The following PIGN variants were observed in gnomAD, a reference collection of about 807,000 sequenced individuals.
The protein encoded by PIGN is GPI ethanolamine phosphate transferase 1.
PIGN carries 117 observed loss-of-function variants against 125.4 expected under a neutral mutation model. The ratio of observed to expected loss-of-function variants is 0.93; its 90% CI spans 0.80 to 1.09. The LOEUF (loss-of-function observed/expected upper bound fraction) is 1.09. Among genes scored for constraint, PIGN ranks in the 50% least tolerant of loss-of-function variants. The pLI is 0.00. For missense variants in PIGN, 1,075 were observed against 1,094.9 expected, an observed-to-expected ratio of 0.98 and a Z score of 0.26; for synonymous variants, 392 against 377.8, an observed-to-expected ratio of 1.04 and a Z score of -0.44.
chr18:62,120,174 C>G (rs987740074), intron 14 of PIGN, among the ~76,000 whole-genome samples: 1 of 151,790 alleles, frequency 6.6e-6, no homozygotes, highest in Admixed American at 6.6e-5. Context: ...CTGCTGAAAA[C>G]CAGTCAAAGA....
Position 62,073,195 on chromosome 18 carries a change from G to A in PIGN, c.2620-470C>T, listed in dbSNP as rs191680666. On this transcript the variant is annotated intron_variant, in intron 29 of 30. Coordinates refer to ENST00000640252, the MANE Select transcript of PIGN (RefSeq NM_176787.5). ...GGTGTGTGTGTGTGTGTGTGTGTGT[G>A]TGTGTGTGTAAGGGGGGGATGGAGG... 7.3e-5 allele frequency among the ~76,000 whole-genome samples: 11 copies of A among 151,464 alleles called. No homozygotes were observed. In the East Asian group the frequency reaches 2.1e-3, roughly 29 times the overall value.
At chr18:62,121,611 C>T (rs959198951) in intron 14 of PIGN, among the ~76,000 whole-genome samples, 1 of 151,974 alleles carries the variant, frequency 6.6e-6, no homozygotes, top group African/African-American at 2.4e-5. Context: ...TGAGTGAGAA[C>T]ATGTAAAATT....
intron 7 of PIGN, chr18:62,154,320 A>C: frequency 2.0e-6 from 1 of 488,558 alleles, no homozygotes; most frequent in South Asian, 4.2e-5. Context: ...AGGTTTCCTA[A>C]ATCCTAATCT....
intron 30 of PIGN, among the ~76,000 whole-genome samples, chr18:62,054,288 A>G (rs2031550428): frequency 6.6e-6 from 1 of 151,900 alleles, no homozygotes; most frequent in Admixed American, 6.6e-5. Context: ...AATCTTTGGG[A>G]TCTGGAGCTA....
intron 10 of PIGN, among the ~76,000 whole-genome samples, chr18:62,144,956 CCCATT>C (rs2036264995): frequency 6.6e-6 from 1 of 150,580 alleles, no homozygotes; most frequent in South Asian, 2.1e-4. Context: ...TACATTCCAG[CCCATT>C]CCATTCCTTT....
intron 14 of PIGN, chr18:62,136,705 A>C (rs966640676): frequency 5.9e-6 from 1 of 170,574 alleles, no homozygotes; most frequent in Non-Finnish European, 1.2e-5. Context: ...AATAACTCCA[A>C]TGAAGTCATT....
chr18:62,182,591 T>C (rs941218400), intron 1 of PIGN, among the ~76,000 whole-genome samples: 3 of 152,264 alleles, frequency 2.0e-5, no homozygotes, highest in South Asian at 2.1e-4. Flanking sequence ...CCATCTCTTA[T>C]GCGAACTACT....
At chr18:62,085,287 CA>C (rs779311397) in intron 25 of PIGN, 23 bp from the exon 26 acceptor site, 104 of 1,482,220 alleles carry the variant, frequency 7.0e-5, no homozygotes, top group Non-Finnish European at 9.1e-5. Flanking sequence ...AAGGAAATGG[CA>C]AAACAACTCA....
rs558288935 is a variant in PIGN at position 62,162,239 on chromosome 18, G to A, written c.-33+14C>T. On this transcript the variant is annotated intron_variant, in intron 3 of 30. Transcript: ENST00000640252. ...CAATATGAAACATTTAAATAAAACT[G>A]TAAAAGAAGATACCATTAAATTGCC... is the stretch of plus-strand genomic sequence containing the variant. The A allele has an allele frequency of 6.6e-6, 1 of 152,082 alleles. No individual in the cohort carries two copies. The highest frequency in any genetic ancestry group is 1.5e-5 in the Non-Finnish European group (1 of 67,950). 9.4% of individuals were successfully genotyped at this position (152,082 alleles called of 1,614,324 possible).
chr18:62,053,284 C>A (rs1219760821), intron 30 of PIGN, among the ~76,000 whole-genome samples: 1 of 151,924 alleles, frequency 6.6e-6, no homozygotes, highest in Admixed American at 6.6e-5. Context: ...CCTACAGCAA[C>A]CATTTAAAAA....
At chr18:62,080,037 C>T (rs1310269717) in intron 28 of PIGN, among the ~76,000 whole-genome samples, 1 of 151,994 alleles carries the variant, frequency 6.6e-6, no homozygotes, top group Admixed American at 6.6e-5. Flanking sequence ...ATGGTATATT[C>T]AAAATTAGAG....
At chr18:62,035,696 G>T (rs1222052186) in intron 23 of PIGN, among the ~76,000 whole-genome samples, 1 of 150,728 alleles carries the variant, frequency 6.6e-6, no homozygotes, top group Non-Finnish European at 1.5e-5. Context: ...CCCACAACAG[G>T]CCCCGGTGTG....
intron 28 of PIGN, 102 bp from the exon 29 acceptor site, chr18:62,074,923 G>A: frequency 1.4e-6 from 1 of 737,648 alleles, no homozygotes. Flanking sequence ...AGTATTGTTG[G>A]TATTTTTGCT....
chr18:62,139,915 A>T (rs796846172), intron 12 of PIGN, among the ~76,000 whole-genome samples: 1 of 152,198 alleles, frequency 6.6e-6, no homozygotes, highest in Non-Finnish European at 1.5e-5. Context: ...TTCAAGCACC[A>T]CTTTGTTTCA....
chr18:62,116,605 A>C (rs1385308460), intron 14 of PIGN, among the ~76,000 whole-genome samples: 1 of 152,244 alleles, frequency 6.6e-6, no homozygotes, highest in Non-Finnish European at 1.5e-5. Flanking sequence ...TCACATCATT[A>C]GCACTTCAGT....
At chr18:62,018,411 A>G (rs1183058095) in intron 23 of PIGN, among the ~76,000 whole-genome samples, 1 of 152,220 alleles carries the variant, frequency 6.6e-6, no homozygotes, top group Non-Finnish European at 1.5e-5. Flanking sequence ...TCACTTTCTA[A>G]GTGCTTGGAA....
intron 23 of PIGN, among the ~76,000 whole-genome samples, chr18:62,033,564 T>C (rs973570957): frequency 6.6e-6 from 1 of 152,220 alleles, no homozygotes. Context: ...TGGAATTAAA[T>C]CTTTTACTTC....
At chr18:62,164,216 A>T (rs2037052121) in intron 1 of PIGN, among the ~76,000 whole-genome samples, 1 of 152,198 alleles carries the variant, frequency 6.6e-6, no homozygotes, top group African/African-American at 2.4e-5. Context: ...TAATTACAAG[A>T]AGCTGGAAAA....
chr18:62,174,837 A>C (rs1271977844), intron 1 of PIGN, among the ~76,000 whole-genome samples: 1 of 151,432 alleles, frequency 6.6e-6, no homozygotes, highest in African/African-American at 2.4e-5. Flanking sequence ...ACAATTACTT[A>C]GTTCCTATAA....
Sources: allele counts gnomAD v4.1 joint callset (sites outside exome capture counted in the v4.1 genomes callset), GRCh38; gene constraint gnomAD v4.1.1; transcripts MANE v1.5; gene names NCBI Gene and HGNC (gene_info 2026-07-23, HGNC 2026-07-21).